SEC23B: variants seen among roughly 807,000 people sequenced by gnomAD.
SEC23B encodes the protein SEC23 homolog B, COPII component.
SEC23B carries 77 observed loss-of-function variants against 104.3 expected under a neutral mutation model. That is an observed-to-expected ratio of 0.74 (90% CI 0.61 to 0.89). The LOEUF (loss-of-function observed/expected upper bound fraction) is 0.89. Ranked by LOEUF, SEC23B falls within the 40% of genes least tolerant of loss-of-function variation. The pLI is 0.00. For synonymous variants in SEC23B, 338 were observed against 332.5 expected (o/e 1.02, Z -0.18); for missense variants, 885 against 949.4 (o/e 0.93, Z 0.89).
intron 9 of SEC23B, among the ~76,000 whole-genome samples, chr20:18,530,237 T>G (rs1226420892): frequency 6.6e-6 from 1 of 151,774 alleles, no homozygotes; most frequent in Non-Finnish European, 1.5e-5. Flanking sequence ...ATTTTATTAT[T>G]TATTTACTTA....
At chr20:18,516,485 G>C (rs1397647148) in intron 4 of SEC23B, among the ~76,000 whole-genome samples, 1 of 150,286 alleles carries the variant, frequency 6.7e-6, no homozygotes, top group Non-Finnish European at 1.5e-5. Context: ...AATGTGCTTT[G>C]AAATTAGAAA....
At position 18,548,608 on chromosome 20, in the gene SEC23B, G is replaced by C; in HGVS notation, c.1744-1G>C. 6.2e-7 allele frequency: 1 copy of C among 1,613,790 alleles called. No individual in the cohort carries two copies. Among genetic ancestry groups the C allele is most frequent in the Non-Finnish European group, 8.5e-7 (1 of 1,179,716 alleles). On this transcript the variant is annotated splice_acceptor_variant, in intron 15 of 19. Coordinates refer to ENST00000650089, the MANE Select transcript of SEC23B (RefSeq NM_006363.6). LOFTEE classifies it high-confidence loss of function. ...TCTCTTTCCGTTCTTTGTGAATGCA[G>C]TTTATGTTCCATCTGAGAAGATCTC...
intron 12 of SEC23B, among the ~76,000 whole-genome samples, chr20:18,538,636 G>A (rs992669249): frequency 6.6e-6 from 1 of 152,228 alleles, no homozygotes; most frequent in Non-Finnish European, 1.5e-5. Context: ...GTAGCATGCA[G>A]TGTTGTTTGA....
At chr20:18,508,424 C>T (rs1412088246) in intron 1 of SEC23B, 2 of 152,250 alleles carry the variant, frequency 1.3e-5, no homozygotes, top group African/African-American at 4.8e-5. Flanking sequence ...CTCCTGTTAT[C>T]TTTCCAGGCC....
At chr20:18,524,217 A>G (rs2060112517) in intron 4 of SEC23B, among the ~76,000 whole-genome samples, 1 of 152,248 alleles carries the variant, frequency 6.6e-6, no homozygotes, top group African/African-American at 2.4e-5. Context: ...GTATTAAAAA[A>G]TGTTGGCAAA....
In SEC23B at chr20:18,526,461, T is replaced by G. The variant is rs1365989788; in HGVS notation, c.923T>G (p.Leu308Ter). 2 of 1,614,158 alleles carry G rather than the reference T, an allele frequency of 1.2e-6. No individual in the cohort carries two copies. Among genetic ancestry groups the G allele is most frequent in the South Asian group, 1.1e-5 (1 of 91,076 alleles). Reference sequence around the variant, plus strand: ...CCTGGCATGGTGGTTGGAGATGAATTAAAGATTCCTATTCGTTCTTGGCAT... The same window carrying G: ...CCTGGCATGGTGGTTGGAGATGAATGAAAGATTCCTATTCGTTCTTGGCAT... ...QGPGMVVGDE[L>*]KIPIRSWHDI... Residue 308 changes from leucine (L) to a stop codon, truncating the protein, a stop_gained, in exon 8 of 20, where the codon TTA (leucine) becomes TGA (stop). Transcript: ENST00000650089. LOFTEE classifies it high-confidence loss of function.
intron 9 of SEC23B, among the ~76,000 whole-genome samples, chr20:18,528,487 A>G (rs964578864): frequency 6.6e-6 from 1 of 152,248 alleles, no homozygotes; most frequent in African/African-American, 2.4e-5. Flanking sequence ...TTTGAACAAT[A>G]TCCCAGGTGA....
chr20:18,549,955 C>T (rs1375118254), intron 16 of SEC23B, among the ~76,000 whole-genome samples: 2 of 146,248 alleles, frequency 1.4e-5, no homozygotes, highest in Non-Finnish European at 3.0e-5. Flanking sequence ...GCCTGGGCAA[C>T]AGAGCAAGAC....
chr20:18,551,759 C>G (rs533313889), intron 17 of SEC23B, among the ~76,000 whole-genome samples: 1 of 152,100 alleles, frequency 6.6e-6, no homozygotes, highest in South Asian at 2.1e-4. Flanking sequence ...AAAAAAATCT[C>G]AGGTGGTTAT....
In SEC23B at chr20:18,555,448, T is replaced by G. The variant is rs6075363; in HGVS notation, c.2214+275T>G. Among the ~76,000 whole-genome samples, 103,283 of 151,740 alleles carry G rather than the reference T, an allele frequency of 0.68. 36,590 individuals are homozygous for G. Among genetic ancestry groups the G allele is most frequent in the Non-Finnish European group, 0.8 (54,057 of 67,908 alleles). Reference sequence around the variant, plus strand: ...GAGCACTGTACTGTGGCCTCCATGGTGGTGTCCTCCGTCACACAGCCTCAT... The same window carrying G: ...GAGCACTGTACTGTGGCCTCCATGGGGGTGTCCTCCGTCACACAGCCTCAT... On this transcript the variant is annotated intron_variant, in intron 19 of 19. Coordinates refer to ENST00000650089, the MANE Select transcript of SEC23B (RefSeq NM_006363.6).
At chr20:18,511,431 G>A (rs1235131429) in intron 2 of SEC23B, among the ~76,000 whole-genome samples, 3 of 151,948 alleles carry the variant, frequency 2.0e-5, no homozygotes, top group African/African-American at 7.3e-5. Context: ...TGCTTCCCGG[G>A]TACAGTGATG....
intron 16 of SEC23B, among the ~76,000 whole-genome samples, chr20:18,549,652 AAAAC>A (rs1446403867): frequency 1.3e-5 from 2 of 152,236 alleles, no homozygotes; most frequent in African/African-American, 4.8e-5. Context: ...TATATGGAAA[AAAAC>A]AAAATATCAA....
At chr20:18,535,214 G>A (rs1273687373) in intron 11 of SEC23B, among the ~76,000 whole-genome samples, 3 of 113,648 alleles carry the variant, frequency 2.6e-5, no homozygotes, top group African/African-American at 1.0e-4. Flanking sequence ...CCACACACAC[G>A]TAGTATATGT....
chr20:18,556,063 A>C (rs2122180849), intron 19 of SEC23B, among the ~76,000 whole-genome samples: 1 of 152,004 alleles, frequency 6.6e-6, no homozygotes, highest in South Asian at 2.1e-4. Flanking sequence ...TGCGTTGTTC[A>C]CAATAGGGTT....
At chr20:18,516,321 T>C (rs2060024844) in intron 4 of SEC23B, among the ~76,000 whole-genome samples, 2 of 151,868 alleles carry the variant, frequency 1.3e-5, no homozygotes, top group African/African-American at 2.4e-5. Flanking sequence ...CTTTCAAATA[T>C]TGGCCTTTGT....
intron 19 of SEC23B, among the ~76,000 whole-genome samples, chr20:18,556,901 C>T (rs1410702156): frequency 6.6e-6 from 1 of 152,184 alleles, no homozygotes; most frequent in Non-Finnish European, 1.5e-5. Flanking sequence ...GTGGCTGAGG[C>T]AGGAGAATTG....
rs1568611211 is a variant in SEC23B at position 18,532,698 on chromosome 20, G to T, written c.1268G>T (p.Gly423Val). 1.9e-6 allele frequency: 3 copies of T among 1,613,974 alleles called. No homozygotes were observed. The highest frequency in any genetic ancestry group is 1.7e-6 in the Non-Finnish European group (2 of 1,179,858). ...GAACTGAAGATTGCAGGAGCCATTGGTCCATGCGTATCTCTGAATGTGAAA... is the reference window on the plus strand; with the variant it reads ...GAACTGAAGATTGCAGGAGCCATTGTTCCATGCGTATCTCTGAATGTGAAA... ...SRELKIAGAI[G>V]PCVSLNVKGP... is the part of the protein sequence containing the mutation. Residue 423 changes from glycine (G) to valine (V), a missense_variant, in exon 11 of 20, where the codon GGT (glycine) becomes GTT (valine). Physicochemically the swap from Gly to Val is moderately radical, Grantham distance 109 (BLOSUM62 -3). Coordinates refer to ENST00000650089, the MANE Select transcript of SEC23B (RefSeq NM_006363.6).
In SEC23B at chr20:18,512,172, TTTA is replaced by T. The variant is rs1455313909; in HGVS notation, c.222-50_222-48del. On this transcript the variant is annotated intron_variant, in intron 2 of 19. Coordinates refer to ENST00000650089, the MANE Select transcript of SEC23B (RefSeq NM_006363.6). Reference sequence around the variant, plus strand: ...CGCTTTCTACCTTAAAAATAAAAATTTTATTTTAAAAATAAAAGTGGTACCTAC... The same window carrying T: ...CGCTTTCTACCTTAAAAATAAAAATTTTTTAAAAATAAAAGTGGTACCTAC... 4.4e-6 allele frequency: 5 copies of T among 1,143,288 alleles called. No homozygotes were observed. In the African/African-American group the frequency reaches 7.9e-5, roughly 18 times the overall value. 70.8% of individuals were successfully genotyped at this position (1,143,288 alleles called of 1,614,324 possible). A position where few individuals can be genotyped will look rare whatever the true frequency, so the allele number is the denominator to read the frequency against.
intron 18 of SEC23B, 72 bp downstream of exon 18, chr20:18,554,462 C>T (rs1303470276): frequency 5.9e-6 from 9 of 1,516,718 alleles, no homozygotes; most frequent in Non-Finnish European, 7.3e-6. Flanking sequence ...TACATCTAAA[C>T]AGGATGGTTA....
Sources: allele counts gnomAD v4.1 joint callset (sites outside exome capture counted in the v4.1 genomes callset), GRCh38; gene constraint gnomAD v4.1.1; transcripts MANE v1.5; gene names NCBI Gene and HGNC (gene_info 2026-07-23, HGNC 2026-07-21).